Variants in FHIP1A observed in about 807,000 individuals in gnomAD.
FHIP1A encodes FHF complex subunit HOOK interacting protein 1A, also known as FHF complex subunit HOOK-interacting protein 1A.
FHIP1A carries 61 observed loss-of-function variants against 88.6 expected under a neutral mutation model. The observed-to-expected ratio is 0.69, with a 90% CI of 0.56 to 0.85. The LOEUF is 0.85. FHIP1A is among the 40% of genes least tolerant of loss of function. FHIP1A has a pLI of 0.00. For missense variants in FHIP1A, 1,154 were observed against 1,273.5 expected (o/e 0.91, Z 1.43); for synonymous variants, 478 against 496.0 (o/e 0.96, Z 0.48).
chr4:151,629,665 G>A (rs1186380354), intron 7 of FHIP1A, 37 bp from the exon 8 acceptor site: 3 of 1,538,318 alleles, frequency 2.0e-6, no homozygotes, highest in Non-Finnish European at 2.6e-6. Flanking sequence ...AGCATCAAAA[G>A]GATGCTCACC....
rs1181937649 is a variant in FHIP1A, at chr4:151,665,811, T to TA, written c.*3060dup. 1.3e-5 allele frequency among the ~76,000 whole-genome samples: 2 copies of TA among 152,212 alleles called. No homozygotes were observed. The highest frequency in any genetic ancestry group is 4.8e-5 in the African/African-American group (2 of 41,442). ...TTATAATGAGTTGGGGGGAAAATCT[T>TA]AAATATGTTTGGCATGCTTAAAGAT... is the stretch of plus-strand genomic sequence containing the variant. On this transcript the variant is annotated 3_prime_UTR_variant, in exon 14 of 14. Coordinates refer to ENST00000435205, the MANE Select transcript of FHIP1A (RefSeq NM_001109977.3).
chr4:151,582,181 A>AT (rs1380053445), intron 5 of FHIP1A, among the ~76,000 whole-genome samples: 1 of 152,112 alleles, frequency 6.6e-6, no homozygotes, highest in Non-Finnish European at 1.5e-5. Flanking sequence ...AATTTATGAG[A>AT]TTTTTTGTTT....
intron 1 of FHIP1A, among the ~76,000 whole-genome samples, chr4:151,411,341 A>ATTTTCTTTTTTTTTTTT (rs1732631469): frequency 2.9e-5 from 1 of 34,994 alleles, no homozygotes; most frequent in African/African-American, 1.5e-4. Context: ...GAGTGAAATT[A>ATTTTCTTTTTTTTTTTT]TATATATATT....
chr4:151,586,866 T>A, intron 6 of FHIP1A, 67 bp downstream of exon 6: 1 of 1,191,042 alleles, frequency 8.4e-7, no homozygotes, highest in Non-Finnish European at 1.1e-6. Flanking sequence ...TGCAAAGGAT[T>A]AATTTTAAAA....
chr4:151,562,989 A>G (rs1221516625), intron 3 of FHIP1A, among the ~76,000 whole-genome samples: 1 of 152,194 alleles, frequency 6.6e-6, no homozygotes, highest in African/African-American at 2.4e-5. Flanking sequence ...TGCATCGTCA[A>G]ATAAATATAT....
At chr4:151,476,962 A>G (rs2126627869) in intron 2 of FHIP1A, among the ~76,000 whole-genome samples, 1 of 152,304 alleles carries the variant, frequency 6.6e-6, no homozygotes, top group East Asian at 1.9e-4. Flanking sequence ...GGCGTTTAAA[A>G]ATGCTCCTGA....
At chr4:151,552,336 A>T (rs572583246) in intron 3 of FHIP1A, among the ~76,000 whole-genome samples, 1 of 152,236 alleles carries the variant, frequency 6.6e-6, no homozygotes, top group South Asian at 2.1e-4. Context: ...GAATATACCC[A>T]AAGTATTATA....
At chr4:151,603,741 A>G (rs1295629114) in intron 7 of FHIP1A, among the ~76,000 whole-genome samples, 1 of 152,216 alleles carries the variant, frequency 6.6e-6, no homozygotes, top group South Asian at 2.1e-4. Flanking sequence ...CTTACCTGGC[A>G]TAGAACTCTT....
intron 5 of FHIP1A, among the ~76,000 whole-genome samples, chr4:151,579,495 C>G (rs980765860): frequency 6.6e-6 from 1 of 152,130 alleles, no homozygotes; most frequent in Non-Finnish European, 1.5e-5. Flanking sequence ...TTGTTTAATT[C>G]AATTGTGTAA....
intron 7 of FHIP1A, among the ~76,000 whole-genome samples, chr4:151,627,995 C>T (rs568882885): frequency 7.9e-5 from 12 of 152,148 alleles, no homozygotes; most frequent in African/African-American, 2.2e-4. Context: ...AACACAAAGA[C>T]GGAAGTAGTT....
chr4:151,426,275 C>T (rs1388925001), intron 1 of FHIP1A, among the ~76,000 whole-genome samples: 1 of 152,022 alleles, frequency 6.6e-6, no homozygotes, highest in Non-Finnish European at 1.5e-5. Flanking sequence ...GCTCTCACAC[C>T]AAGATTCTTT....
intron 2 of FHIP1A, among the ~76,000 whole-genome samples, chr4:151,475,424 TG>T (rs1222171108): frequency 2.6e-5 from 4 of 152,268 alleles, no homozygotes; most frequent in Middle Eastern, 3.4e-3. Context: ...TTCTATTTCA[TG>T]GGGGGTAGAC....
intron 2 of FHIP1A, among the ~76,000 whole-genome samples, chr4:151,464,789 A>T (rs1293007992): frequency 6.6e-6 from 1 of 152,162 alleles, no homozygotes; most frequent in Non-Finnish European, 1.5e-5. Flanking sequence ...TGAGTATGGC[A>T]TCTGGATAGC....
chr4:151,480,218 T>A (rs1183804706), intron 2 of FHIP1A, among the ~76,000 whole-genome samples: 2 of 152,114 alleles, frequency 1.3e-5, no homozygotes, highest in Non-Finnish European at 2.9e-5. Context: ...CATGAAGCGT[T>A]GCTGCTGGCG....
At chr4:151,593,555 TTC>T (rs1321137277) in intron 7 of FHIP1A, among the ~76,000 whole-genome samples, 1 of 152,186 alleles carries the variant, frequency 6.6e-6, no homozygotes, top group African/African-American at 2.4e-5. Context: ...CATAATTTGG[TTC>T]TCTGTGTTTC....
intron 3 of FHIP1A, among the ~76,000 whole-genome samples, chr4:151,535,141 C>T (rs1056741117): frequency 7.2e-5 from 11 of 152,050 alleles, no homozygotes; most frequent in African/African-American, 1.4e-4. Flanking sequence ...GCTTGAGCCC[C>T]GGAAATCAAA....
chr4:151,447,686 G>T (rs1728656079), intron 1 of FHIP1A, among the ~76,000 whole-genome samples: 1 of 152,084 alleles, frequency 6.6e-6, no homozygotes, highest in South Asian at 2.1e-4. Context: ...TGAAAATGGG[G>T]GTTATTTAAA....
chr4:151,510,966 T>C (rs1218418789), intron 3 of FHIP1A, among the ~76,000 whole-genome samples: 1 of 152,232 alleles, frequency 6.6e-6, no homozygotes, highest in African/African-American at 2.4e-5. Flanking sequence ...GATGTAGCTC[T>C]TGCCTTTAAA....
intron 1 of FHIP1A, among the ~76,000 whole-genome samples, chr4:151,421,473 TA>T (rs113916787): frequency 6.6e-6 from 1 of 152,198 alleles, no homozygotes; most frequent in Non-Finnish European, 1.5e-5. Flanking sequence ...TTTTAAAATT[TA>T]AAAAAATTTT....
Sources: allele counts gnomAD v4.1 joint callset (sites outside exome capture counted in the v4.1 genomes callset), GRCh38; gene constraint gnomAD v4.1.1; transcripts MANE v1.5; gene names NCBI Gene and HGNC (gene_info 2026-07-23, HGNC 2026-07-21).